Variants in MARCHF6 observed in about 807,000 individuals in gnomAD.
The protein encoded by MARCHF6 is membrane associated ring-CH-type finger 6.
Under a neutral mutation model 133.7 loss-of-function variants are expected in MARCHF6, and 31 were observed. That is an observed-to-expected ratio of 0.23 (90% CI 0.17 to 0.31). The LOEUF is 0.31. Ranked by LOEUF, MARCHF6 falls within the 10% of genes least tolerant of loss-of-function variation. MARCHF6 has a pLI of 1.00. For missense variants in MARCHF6, 723 were observed against 1,121.6 expected, an observed-to-expected ratio of 0.64 and a Z score of 5.08; for synonymous variants, 395 against 402.5, an observed-to-expected ratio of 0.98 and a Z score of 0.22.
At chr5:10,426,847 A>T (rs536848769) in intron 24 of MARCHF6, among the ~76,000 whole-genome samples, 1 of 152,318 alleles carries the variant, frequency 6.6e-6, no homozygotes, top group Non-Finnish European at 1.5e-5. Context: ...AAAATTAAGT[A>T]ACAGTGTTGT....
rs781272125 is a variant in MARCHF6 at position 10,423,797 on chromosome 5, G to A, written c.2346G>A (p.Gln782=). The change falls in exon 23 of 26, where the codon CAG becomes CAA. Residue 782 remains glutamine (Q), a synonymous_variant. Coordinates refer to ENST00000274140, the MANE Select transcript of MARCHF6 (RefSeq NM_005885.4). ...IIAAITLMGP[Q]WWLKTVIEQV... ...CAGCTATAACATTGATGGGTCCTCA[G>A]TGGTGGTTGAAAACTGTAATTGAAC... 2 of 1,613,274 alleles carry A rather than the reference G, an allele frequency of 1.2e-6. No individual in the cohort carries two copies. The highest frequency in any genetic ancestry group is 1.7e-6 in the Non-Finnish European group (2 of 1,179,576).
chr5:10,406,102 G>A (rs1367765209), intron 16 of MARCHF6, among the ~76,000 whole-genome samples: 2 of 152,162 alleles, frequency 1.3e-5, no homozygotes, highest in Non-Finnish European at 2.9e-5. Context: ...GAGTGCGAGG[G>A]ATCCAGATTG....
Position 10,438,956 on chromosome 5 carries a change from G to A in MARCHF6, c.*5272G>A, listed in dbSNP as rs1157647802. 1 of 152,076 alleles carries A rather than the reference G, an allele frequency of 6.6e-6. No individual in the cohort carries two copies. The highest frequency in any genetic ancestry group is 2.4e-5 in the African/African-American group (1 of 41,398). 9.4% of individuals were successfully genotyped at this position (152,076 alleles called of 1,614,324 possible). On this transcript the variant is annotated 3_prime_UTR_variant, in exon 26 of 26. Coordinates refer to ENST00000274140, the MANE Select transcript of MARCHF6 (RefSeq NM_005885.4). ...GCCCCTTTTTGCCTCATTTTACATTGTTTAGTTATCATTTTGAAACTTTTC... is the reference window on the plus strand; with the variant it reads ...GCCCCTTTTTGCCTCATTTTACATTATTTAGTTATCATTTTGAAACTTTTC...
intron 7 of MARCHF6, among the ~76,000 whole-genome samples, chr5:10,392,883 T>C (rs541845086): frequency 8.5e-5 from 13 of 152,328 alleles, no homozygotes; most frequent in African/African-American, 2.9e-4. Flanking sequence ...GGCAGCCTGA[T>C]ATTTTTGTGT....
At chr5:10,365,212 G>C (rs768275335) in intron 1 of MARCHF6, among the ~76,000 whole-genome samples, 12 of 152,198 alleles carry the variant, frequency 7.9e-5, no homozygotes, top group Non-Finnish European at 1.5e-4. Context: ...AGGAGCAACA[G>C]TACAGGTGAA....
chr5:10,431,558 C>T (rs1164462733), intron 25 of MARCHF6, among the ~76,000 whole-genome samples: 1 of 151,854 alleles, frequency 6.6e-6, no homozygotes, highest in Non-Finnish European at 1.5e-5. Flanking sequence ...GAGGGCATGT[C>T]TTGTCAGCTG....
At chr5:10,413,747 T>C (rs1739354420) in intron 19 of MARCHF6, among the ~76,000 whole-genome samples, 1 of 152,118 alleles carries the variant, frequency 6.6e-6, no homozygotes. Flanking sequence ...AACCGTCAGA[T>C]CTGGTGGGAC....
chr5:10,425,978 T>C (rs1740063582), intron 23 of MARCHF6, among the ~76,000 whole-genome samples: 1 of 152,218 alleles, frequency 6.6e-6, no homozygotes, highest in African/African-American at 2.4e-5. Context: ...CAGTGTTTTC[T>C]CATCATACTC....
intron 7 of MARCHF6, among the ~76,000 whole-genome samples, chr5:10,393,187 C>A (rs1737979441): frequency 6.6e-6 from 1 of 151,968 alleles, no homozygotes; most frequent in African/African-American, 2.4e-5. Context: ...CACCTCAGCT[C>A]CCCAAGTAGC....
intron 1 of MARCHF6, among the ~76,000 whole-genome samples, chr5:10,364,951 A>G (rs1423127760): frequency 6.6e-6 from 1 of 151,930 alleles, no homozygotes; most frequent in East Asian, 1.9e-4. Flanking sequence ...TTACAAGCAC[A>G]TGCCACCACG....
intron 7 of MARCHF6, among the ~76,000 whole-genome samples, chr5:10,392,367 C>T (rs899036539): frequency 6.6e-6 from 1 of 152,216 alleles, no homozygotes; most frequent in Admixed American, 6.5e-5. Flanking sequence ...CATTCATTTG[C>T]TTCTCTCTTT....
chr5:10,362,387 G>A (rs1407369189), intron 1 of MARCHF6, among the ~76,000 whole-genome samples: 1 of 152,180 alleles, frequency 6.6e-6, no homozygotes, highest in Non-Finnish European at 1.5e-5. Flanking sequence ...AGTTTGAAGA[G>A]CATTGATGTA....
At position 10,393,137 on chromosome 5, in the gene MARCHF6, C is replaced by T. The variant is rs150569431; in HGVS notation, c.767-945C>T. ...AGGGAGTACAGTGGCAGGAACACAG[C>T]TCACTGCAGCCTTGACCTTTTGGGC... is the stretch of plus-strand genomic sequence containing the variant. On this transcript the variant is annotated intron_variant, in intron 7 of 25. Coordinates refer to ENST00000274140, the MANE Select transcript of MARCHF6 (RefSeq NM_005885.4). 6.7e-3 allele frequency among the ~76,000 whole-genome samples: 1,017 copies of T among 152,228 alleles called. 4 individuals carry two copies. The highest frequency in any genetic ancestry group is 0.012 in the Non-Finnish European group (798 of 68,018).
intron 1 of MARCHF6, among the ~76,000 whole-genome samples, chr5:10,360,953 T>A (rs1006502863): frequency 1.3e-5 from 2 of 152,244 alleles, no homozygotes; most frequent in Admixed American, 6.5e-5. Flanking sequence ...GTTTTACTTC[T>A]GTCCTGTAAG....
intron 25 of MARCHF6, among the ~76,000 whole-genome samples, chr5:10,431,924 A>G (rs1038824298): frequency 1.3e-5 from 2 of 152,170 alleles, no homozygotes; most frequent in African/African-American, 4.8e-5. Flanking sequence ...CACTGTTTAA[A>G]ATATTTACAA....
rs115400994 is a variant in MARCHF6 at position 10,429,177 on chromosome 5, T to C, written c.2507-716T>C. The stretch of plus-strand genomic sequence containing the variant: ...AATTTTCTGAATTCCTCGAAAGTAC[T>C]TGCTCTGATTTTAAAGCCCCCCAGT... On this transcript the variant is annotated intron_variant, in intron 24 of 25. Coordinates refer to ENST00000274140, the MANE Select transcript of MARCHF6 (RefSeq NM_005885.4). Among the ~76,000 whole-genome samples, 968 of 152,312 alleles carry C rather than the reference T, an allele frequency of 6.4e-3. 6 individuals carry two copies. Among genetic ancestry groups the C allele is most frequent in the Middle Eastern group, 0.024 (7 of 294 alleles).
chr5:10,420,327 G>A (rs1739763105), intron 22 of MARCHF6, among the ~76,000 whole-genome samples: 1 of 152,164 alleles, frequency 6.6e-6, no homozygotes. Flanking sequence ...CACATGATGG[G>A]AAAATAATTT....
intron 25 of MARCHF6, among the ~76,000 whole-genome samples, chr5:10,432,798 C>T (rs2126381022): frequency 6.6e-6 from 1 of 152,280 alleles, no homozygotes; most frequent in Middle Eastern, 3.4e-3. Context: ...TACTCACTCA[C>T]TGCAATGCTG....
chr5:10,408,423 C>A (rs1307072483), intron 17 of MARCHF6, among the ~76,000 whole-genome samples: 1 of 152,226 alleles, frequency 6.6e-6, no homozygotes, highest in African/African-American at 2.4e-5. Context: ...GCCATTGAGG[C>A]TCCCCTGATT....
Sources: gnomAD v4.1 joint callset for allele counts (sites outside exome capture counted in the v4.1 genomes callset) on GRCh38, gnomAD v4.1.1 for gene constraint, MANE v1.5 for transcripts, NCBI Gene and HGNC (gene_info 2026-07-23, HGNC 2026-07-21) for gene names.